LYRM4: variants seen among roughly 807,000 people sequenced by gnomAD.
The protein encoded by LYRM4 is LYR motif containing 4.
LYRM4 carries 9 observed loss-of-function variants against 11.7 expected under a neutral mutation model. The ratio of observed to expected loss-of-function variants is 0.77; its 90% CI spans 0.46 to 1.34. LYRM4 has a LOEUF of 1.34. Among genes scored for constraint, LYRM4 ranks in the 40% most tolerant of loss-of-function variants. LYRM4 has a pLI of 0.00. For missense variants in LYRM4, 133 were observed against 112.5 expected (o/e 1.18, Z -0.82); for synonymous variants, 42 against 40.4 (o/e 1.04, Z -0.15).
intron 2 of LYRM4, among the ~76,000 whole-genome samples, chr6:5,130,354 G>T (rs565036791): frequency 6.6e-6 from 1 of 152,344 alleles, no homozygotes; most frequent in East Asian, 1.9e-4. Context: ...CCAAGCAGGG[G>T]CTAGAGAGCA....
intron 2 of LYRM4, among the ~76,000 whole-genome samples, chr6:5,157,375 G>A (rs1328335565): frequency 6.6e-6 from 1 of 152,038 alleles, no homozygotes; most frequent in Non-Finnish European, 1.5e-5. Context: ...TGCCAGGTTC[G>A]GATTGTCGTT....
At chr6:5,252,006 A>G (rs994627300) in intron 1 of LYRM4, among the ~76,000 whole-genome samples, 3 of 152,238 alleles carry the variant, frequency 2.0e-5, no homozygotes, top group Non-Finnish European at 4.4e-5. Flanking sequence ...TCCTTCATTA[A>G]GACAGCAATC....
chr6:5,171,636 AC>A (rs1328985967), intron 2 of LYRM4, among the ~76,000 whole-genome samples: 1 of 152,204 alleles, frequency 6.6e-6, no homozygotes, highest in East Asian at 1.9e-4. Context: ...AGCAGTTGTT[AC>A]CATTTTGCTG....
intron 2 of LYRM4, among the ~76,000 whole-genome samples, chr6:5,159,641 C>T (rs1184862979): frequency 2.6e-5 from 4 of 152,210 alleles, no homozygotes; most frequent in African/African-American, 9.6e-5. Flanking sequence ...ACTGGGCGAG[C>T]ACACCTTAGG....
intron 2 of LYRM4, among the ~76,000 whole-genome samples, chr6:5,174,472 C>T (rs1431370720): frequency 1.3e-5 from 2 of 152,122 alleles, no homozygotes; most frequent in African/African-American, 4.8e-5. Flanking sequence ...ATAGTCTTCA[C>T]AAAAGCTCGA....
At chr6:5,066,974 G>GA in the LYRM4 span, 2 of 962,630 alleles carry the variant, frequency 2.1e-6, no homozygotes, top group South Asian at 6.2e-5. Context: ...CGGCCACTGG[G>GA]ATCCACATGT....
the LYRM4 span, among the ~76,000 whole-genome samples, chr6:5,095,457 C>T: frequency 6.6e-6 from 1 of 152,288 alleles, no homozygotes; most frequent in East Asian, 1.9e-4. Context: ...GGTACAGAAA[C>T]AACCGGATTG....
At chr6:5,253,847 AAC>A (rs1294265002) in intron 1 of LYRM4, among the ~76,000 whole-genome samples, 1 of 147,126 alleles carries the variant, frequency 6.8e-6, no homozygotes, top group Non-Finnish European at 1.5e-5. Context: ...AAAAAAAAAA[AAC>A]CATCGTTTTG....
intron 1 of LYRM4, among the ~76,000 whole-genome samples, chr6:5,251,828 T>C (rs1027227929): frequency 1.3e-5 from 2 of 152,208 alleles, no homozygotes; most frequent in Non-Finnish European, 2.9e-5. Flanking sequence ...GGAAAACATG[T>C]GAAAGAAATC....
chr6:5,056,172 T>A, the LYRM4 span, among the ~76,000 whole-genome samples: 1 of 152,158 alleles, frequency 6.6e-6, no homozygotes, highest in Non-Finnish European at 1.5e-5. Flanking sequence ...GCCTGGCTTT[T>A]TTGCAAATCT....
the LYRM4 span, among the ~76,000 whole-genome samples, chr6:5,068,692 G>A: frequency 2.0e-5 from 3 of 152,128 alleles, no homozygotes; most frequent in Non-Finnish European, 4.4e-5. The surrounding 1 kb of genome is among the most constrained non-coding windows in gnomAD (Gnocchi z 4.0). Context: ...AGCAGAGGAG[G>A]GGAGTCTGGG....
the LYRM4 span, among the ~76,000 whole-genome samples, chr6:5,050,369 G>A: frequency 6.6e-6 from 1 of 152,208 alleles, no homozygotes; most frequent in Non-Finnish European, 1.5e-5. Context: ...GGGGATCTTT[G>A]CTGTGATTGC....
At chr6:5,120,490 A>C (rs1763391646) in intron 2 of LYRM4, among the ~76,000 whole-genome samples, 1 of 152,202 alleles carries the variant, frequency 6.6e-6, no homozygotes, top group African/African-American at 2.4e-5. Context: ...GGACCCAAAA[A>C]GTGAGCAGCA....
the LYRM4 span, among the ~76,000 whole-genome samples, chr6:5,092,507 C>T: frequency 1.3e-5 from 2 of 151,248 alleles, no homozygotes; most frequent in Admixed American, 6.6e-5. Context: ...GTCAGGAGTT[C>T]GAGAACAGCT....
chr6:5,047,364 T>C, the LYRM4 span, among the ~76,000 whole-genome samples: 1 of 152,212 alleles, frequency 6.6e-6, no homozygotes, highest in African/African-American at 2.4e-5. Context: ...GGATGGTTGG[T>C]CACCCTACTT....
At chr6:5,251,366 A>G (rs1455342819) in intron 1 of LYRM4, among the ~76,000 whole-genome samples, 4 of 152,188 alleles carry the variant, frequency 2.6e-5, no homozygotes, top group Non-Finnish European at 4.4e-5. Flanking sequence ...TTGACTGGCT[A>G]ATTTATGAAG....
intron 2 of LYRM4, among the ~76,000 whole-genome samples, chr6:5,128,351 T>C (rs1277806901): frequency 6.6e-6 from 1 of 152,204 alleles, no homozygotes; most frequent in African/African-American, 2.4e-5. Context: ...AGGGGTGATA[T>C]GGAGTTGCAA....
intron 2 of LYRM4, among the ~76,000 whole-genome samples, chr6:5,160,386 T>A (rs749708363): frequency 1.3e-5 from 2 of 152,056 alleles, no homozygotes; most frequent in African/African-American, 4.8e-5. Context: ...CCCACCCAAA[T>A]CTCATCTTGA....
rs552076465 is a variant in LYRM4 at position 5,194,906 on chromosome 6, T to C, written c.207+21712A>G. ...ACCCAGCTATGGAAACACCATTTCA[T>C]TACTATAATAGCTTCTGGCTTTACA... is the stretch of plus-strand genomic sequence containing the variant. On this transcript the variant is annotated intron_variant, in intron 2 of 2. Coordinates refer to ENST00000330636, the MANE Select transcript of LYRM4 (RefSeq NM_020408.6). 1.1e-3 allele frequency among the ~76,000 whole-genome samples: 173 copies of C among 152,322 alleles called. 1 individual carries two copies. The highest frequency in any genetic ancestry group is 4.0e-3 in the African/African-American group (168 of 41,572).
Sources: allele counts gnomAD v4.1 joint callset (sites outside exome capture counted in the v4.1 genomes callset), GRCh38; gene constraint gnomAD v4.1.1; non-coding constraint Gnocchi (gnomAD v3.1); transcripts MANE v1.5; gene names NCBI Gene and HGNC (gene_info 2026-07-23, HGNC 2026-07-21).